KMT2A: variants seen among roughly 807,000 people sequenced by gnomAD.
The protein encoded by KMT2A is lysine methyltransferase 2A, also known as histone-lysine N-methyltransferase 2A.
KMT2A carries 16 observed loss-of-function variants against 345.3 expected under a neutral mutation model. That is an observed-to-expected ratio of 0.05 (90% CI 0.03 to 0.07). KMT2A has a LOEUF of 0.07. Ranked by LOEUF, KMT2A falls within the 10% of genes least tolerant of loss-of-function variation. The pLI is 1.00. For missense variants in KMT2A, 3,272 were observed against 4,841.6 expected, an observed-to-expected ratio of 0.68 and a Z score of 9.62; for synonymous variants, 1,599 against 1,778.6, an observed-to-expected ratio of 0.90 and a Z score of 2.54.
chr11:118,496,513 T>C lies in KMT2A; in HGVS notation c.5664+146T>C, dbSNP rs1286510280. The C allele has an allele frequency of 2.0e-6, 1 of 499,630 alleles. No homozygotes were observed. Among genetic ancestry groups the C allele is most frequent in the Non-Finnish European group, 3.6e-6 (1 of 281,476 alleles). 30.9% of individuals were successfully genotyped at this position (499,630 alleles called of 1,614,324 possible). ...TTTATAACTTTTATTTACCTATAAC[T>C]TATAACTTATTAATTTGTAACTTAT... On this transcript the variant is annotated intron_variant, in intron 20 of 35. Transcript: ENST00000534358. The surrounding 1 kb of genome is among the most constrained non-coding windows in gnomAD (Gnocchi z 4.7).
At position 118,494,165 on chromosome 11, in the gene KMT2A, C is replaced by A. The variant is rs1950368281; in HGVS notation, c.5179-123C>A. Reference sequence around the variant, plus strand: ...AGGTCTCAGCCAAAGAGTATTATACCACATTAAAATAGGGTGTGAGTTTTC... The same window carrying A: ...AGGTCTCAGCCAAAGAGTATTATACAACATTAAAATAGGGTGTGAGTTTTC... On this transcript the variant is annotated intron_variant, in intron 16 of 35. Coordinates refer to ENST00000534358, the MANE Select transcript of KMT2A (RefSeq NM_001197104.2). This position sits in a 1 kb window ranked among gnomAD's most constrained non-coding sequence, Gnocchi z 5.8. 2 of 634,134 alleles carry A rather than the reference C, an allele frequency of 3.2e-6. No homozygotes were observed. The highest frequency in any genetic ancestry group is 5.5e-5 in the Admixed American group (2 of 36,656). The allele number at this position is 634,134 out of a possible 1,614,324, so 39.3% of individuals were successfully genotyped here.
Position 118,494,181 on chromosome 11 carries a change from G to C in KMT2A, c.5179-107G>C. On this transcript the variant is annotated intron_variant, in intron 16 of 35. Transcript: ENST00000534358. This position sits in a 1 kb window ranked among gnomAD's most constrained non-coding sequence, Gnocchi z 5.8. ...GTATTATACCACATTAAAATAGGGT[G>C]TGAGTTTTCTGTTGGATCTCTGTGC... 1.5e-6 allele frequency: 1 copy of C among 662,436 alleles called. No homozygotes were observed. Among genetic ancestry groups the C allele is most frequent in the East Asian group, 2.7e-5 (1 of 36,894 alleles). The allele number at this position is 662,436 out of a possible 1,614,324, so 41.0% of individuals were successfully genotyped here. A position where few individuals can be genotyped will look rare whatever the true frequency, so the allele number is the denominator to read the frequency against.
chr11:118,447,490 G>A (rs879991837), intron 1 of KMT2A: 1 of 198,654 alleles, frequency 5.0e-6, no homozygotes, highest in South Asian at 6.8e-5. Flanking sequence ...GTGCCATGAT[G>A]CGACATTTTT....
chr11:118,445,502 T>C (rs1181405097), intron 1 of KMT2A, among the ~76,000 whole-genome samples: 1 of 152,216 alleles, frequency 6.6e-6, no homozygotes, highest in African/African-American at 2.4e-5. Context: ...GACCCATTAG[T>C]CTATACTTGA....
At position 118,471,636 on chromosome 11, in the gene KMT2A, C is replaced by T. The variant is rs782763882; in HGVS notation, c.503-26C>T. ...TAAACTACACAGCTAAATATATGCTCTTCATTGTTTAATTTCTATACACAG... is the reference window on the plus strand; with the variant it reads ...TAAACTACACAGCTAAATATATGCTTTTCATTGTTTAATTTCTATACACAG... On this transcript the variant is annotated intron_variant, in intron 2 of 35. Transcript: ENST00000534358. 18 of 1,480,182 alleles carry T rather than the reference C, an allele frequency of 1.2e-5. No individual in the cohort carries two copies. In the Admixed American group the frequency reaches 1.3e-4, roughly 11 times the overall value. The allele number at this position is 1,480,182 out of a possible 1,614,324, so 91.7% of individuals were successfully genotyped here.
intron 23 of KMT2A, 102 bp from the exon 24 acceptor site, chr11:118,499,733 T>C: frequency 2.3e-6 from 2 of 860,476 alleles, no homozygotes; most frequent in Admixed American, 1.9e-5. Flanking sequence ...TGAGCTGAGA[T>C]TGCGCCACTG....
chr11:118,500,890 G>C, intron 24 of KMT2A, 97 bp from the exon 25 acceptor site: 2 of 860,366 alleles, frequency 2.3e-6, no homozygotes, highest in Non-Finnish European at 3.6e-6. Flanking sequence ...GTAATTAAGA[G>C]GGCCAGGGAA....
chr11:118,513,857 G>A (rs1468975019), intron 31 of KMT2A, among the ~76,000 whole-genome samples: 2 of 148,600 alleles, frequency 1.3e-5, no homozygotes, highest in Non-Finnish European at 3.0e-5. Context: ...GGAGCGCATT[G>A]AGCCTGGGAG....
chr11:118,484,267 C>A lies in KMT2A; in HGVS notation c.4171C>A (p.Gln1391Lys). The change falls in exon 9 of 36, where the codon CAA becomes AAA. Residue 1391 changes from glutamine to lysine, a missense_variant. Coordinates refer to ENST00000534358, the MANE Select transcript of KMT2A (RefSeq NM_001197104.2). This position sits in a 1 kb window ranked among gnomAD's most constrained non-coding sequence, Gnocchi z 4.1. ...STLSNGNSSK[Q>K]KIPADGVHRI... ...TCTCTCCAATGGCAATAGTTCTAAG[C>A]AAAAAATTCCAGCAGATGGAGTCCA... 6.2e-7 allele frequency: 1 copy of A among 1,613,974 alleles called. No individual in the cohort carries two copies. Among genetic ancestry groups the A allele is most frequent in the Non-Finnish European group, 8.5e-7 (1 of 1,179,944 alleles).
At chr11:118,513,581 A>G (rs1555050724) in intron 31 of KMT2A, among the ~76,000 whole-genome samples, 1 of 151,890 alleles carries the variant, frequency 6.6e-6, no homozygotes, top group East Asian at 1.9e-4. Context: ...TTTTTAATTA[A>G]AAAAAAGAGA....
intron 1 of KMT2A, among the ~76,000 whole-genome samples, chr11:118,452,622 CT>C (rs1428276619): frequency 4.2e-4 from 61 of 146,014 alleles, no homozygotes; most frequent in Admixed American, 7.5e-4. Flanking sequence ...GTGCCCCCTT[CT>C]TTTTTTTTTT....
rs782660217 is a variant in KMT2A at position 118,472,814 on chromosome 11, C to G, written c.1655C>G (p.Ala552Gly). ...AAAAAATTATCAACTCTACAAAGTG[C>G]CCCCCAGCAGCAGACCTCCTCGTCT... is the stretch of plus-strand genomic sequence containing the variant. ...TTKKLSTLQS[A>G]PQQQTSSSPP... Residue 552 changes from alanine (A) to glycine (G), a missense_variant, in exon 3 of 36, where the codon GCC (alanine) becomes GGC (glycine). Physicochemically the swap from Ala to Gly is moderately conservative, Grantham distance 60 (BLOSUM62 0). This residue lies in a region of KMT2A where 180 missense variants were observed against 190.7 expected (regional missense o/e 0.94). Coordinates refer to ENST00000534358, the MANE Select transcript of KMT2A (RefSeq NM_001197104.2). The G allele has an allele frequency of 1.9e-6, 3 of 1,613,564 alleles. No individual in the cohort carries two copies. The South Asian group carries it at 3.3e-5, about 18-fold the overall frequency.
chr11:118,509,937 C>A lies in KMT2A; in HGVS notation c.10901-11C>A, dbSNP rs1950654290. ...TGTTACTGCAACCACTATCTATTTT[C>A]TCCCTATTAGAACCTAAAACAGTGG... On this transcript the variant is annotated splice_polypyrimidine_tract_variant and intron_variant, in intron 29 of 35. Coordinates refer to ENST00000534358, the MANE Select transcript of KMT2A (RefSeq NM_001197104.2). The A allele has an allele frequency of 6.3e-7, 1 of 1,583,988 alleles. No homozygotes were observed. Among genetic ancestry groups the A allele is most frequent in the East Asian group, 2.3e-5 (1 of 44,348 alleles).
intron 1 of KMT2A, chr11:118,448,234 G>A (rs1949461824): frequency 6.6e-6 from 1 of 152,182 alleles, no homozygotes; most frequent in African/African-American, 2.4e-5. Context: ...AAACAAATAA[G>A]TATTTGTAGC....
chr11:118,495,960 C>A lies in KMT2A; in HGVS notation c.5557+67C>A. The A allele has an allele frequency of 7.7e-7, 1 of 1,299,134 alleles. No individual in the cohort carries two copies. The highest frequency in any genetic ancestry group is 1.4e-5 in the South Asian group (1 of 72,204). The allele number at this position is 1,299,134 out of a possible 1,614,324, so 80.5% of individuals were successfully genotyped here. On this transcript the variant is annotated intron_variant, in intron 19 of 35. Transcript: ENST00000534358. The surrounding 1 kb of genome is among the most constrained non-coding windows in gnomAD (Gnocchi z 4.1). Reference sequence around the variant, plus strand: ...ATGCAGATGATTGACTTCGTGAATCCAATTCACTAAAATTAGATATACTTG... The same window carrying A: ...ATGCAGATGATTGACTTCGTGAATCAAATTCACTAAAATTAGATATACTTG...
At chr11:118,455,321 A>G (rs570752376) in intron 1 of KMT2A, among the ~76,000 whole-genome samples, 125 of 152,366 alleles carry the variant, frequency 8.2e-4, no homozygotes, top group African/African-American at 2.7e-3. Flanking sequence ...GCAATACTCA[A>G]TAAATACTTA....
rs782206846 is a variant in KMT2A at position 118,473,460 on chromosome 11, C to G, written c.2301C>G (p.Leu767=). Reference sequence around the variant, plus strand: ...GTGGAAGGCTTAGTAGTTCTGAGCTCTCACCTCTCACCCCCCCGTCTTCTG... The same window carrying G: ...GTGGAAGGCTTAGTAGTTCTGAGCTGTCACCTCTCACCCCCCCGTCTTCTG... ...TRSGRLSSSE[L]SPLTPPSSVS... The change falls in exon 3 of 36, where the codon CTC becomes CTG. Residue 767 remains leucine (L), a synonymous_variant. Coordinates refer to ENST00000534358, the MANE Select transcript of KMT2A (RefSeq NM_001197104.2). This position sits in a 1 kb window ranked among gnomAD's most constrained non-coding sequence, Gnocchi z 5.2. The G allele has an allele frequency of 3.7e-6, 6 of 1,614,166 alleles. No homozygotes were observed. The highest frequency in any genetic ancestry group is 4.2e-6 in the Non-Finnish European group (5 of 1,180,026).
At position 118,522,130 on chromosome 11, in the gene KMT2A, C is replaced by G; in HGVS notation, c.11877C>G (p.Pro3959=). 6.2e-7 allele frequency: 1 copy of G among 1,614,188 alleles called. No individual in the cohort carries two copies. The highest frequency in any genetic ancestry group is 8.5e-7 in the Non-Finnish European group (1 of 1,180,022). The change falls in exon 36 of 36, where the codon CCC becomes CCG. Residue 3959 remains proline (P), a synonymous_variant. Transcript: ENST00000534358. The surrounding 1 kb of genome is among the most constrained non-coding windows in gnomAD (Gnocchi z 5.4). ...TTGAGGATGCCAGCAACAAGCTGCC[C>G]TGCAACTGTGGCGCCAAGAAATGCC... ...FPIEDASNKL[P]CNCGAKKCRK...
rs1555049630 is a variant in KMT2A, at chr11:118,509,942, T to C, written c.10901-6T>C. ...CTGCAACCACTATCTATTTTCTCCC[T>C]ATTAGAACCTAAAACAGTGGAAGAA... On this transcript the variant is annotated splice_polypyrimidine_tract_variant and splice_region_variant and intron_variant, in intron 29 of 35. Transcript: ENST00000534358. 1.2e-6 allele frequency: 2 copies of C among 1,600,292 alleles called. No individual in the cohort carries two copies. Among genetic ancestry groups the C allele is most frequent in the East Asian group, 2.2e-5 (1 of 44,674 alleles).
Sources: allele counts gnomAD v4.1 joint callset (sites outside exome capture counted in the v4.1 genomes callset), GRCh38; gene constraint gnomAD v4.1.1; regional missense constraint gnomAD v4.1.1; non-coding constraint Gnocchi (gnomAD v3.1); transcripts MANE v1.5; gene names NCBI Gene and HGNC (gene_info 2026-07-23, HGNC 2026-07-21).